EHBP1: variants seen among roughly 807,000 people sequenced by gnomAD.
EHBP1 encodes the protein EH domain binding protein 1, also known as EH domain-binding protein 1.
A neutral mutation model predicts 144.0 loss-of-function variants in EHBP1; 55 were observed. The observed-to-expected ratio is 0.38, with a 90% CI of 0.31 to 0.48. The LOEUF (loss-of-function observed/expected upper bound fraction) is 0.48, where lower values mean the gene tolerates loss of function less well. EHBP1 is among the 20% of genes least tolerant of loss of function. The pLI is 0.98. For missense variants in EHBP1, 1,200 were observed against 1,364.2 expected, an observed-to-expected ratio of 0.88 and a Z score of 1.90; for synonymous variants, 469 against 472.7, an observed-to-expected ratio of 0.99 and a Z score of 0.10.
chr2:62,966,708 A>G (rs979447731), intron 14 of EHBP1, among the ~76,000 whole-genome samples: 2 of 152,174 alleles, frequency 1.3e-5, no homozygotes, highest in African/African-American at 4.8e-5. Flanking sequence ...TTCTATTTTA[A>G]TAGGAACTAT....
chr2:62,993,850 C>T lies in EHBP1; in HGVS notation c.2873-21C>T, dbSNP rs199855158. ...CAAGCTTTACAATAATTTTACATGT[C>T]TTTCCTCTTTTTTTTTTAAGAGATG... On this transcript the variant is annotated intron_variant, in intron 17 of 22. Transcript: ENST00000431489. 4.6e-5 allele frequency: 69 copies of T among 1,507,062 alleles called. No homozygotes were observed. In the African/African-American group the frequency reaches 9.1e-4, roughly 20 times the overall value. 93.4% of individuals were successfully genotyped at this position (1,507,062 alleles called of 1,614,324 possible).
At chr2:62,937,783 A>G (rs2056477505) in intron 10 of EHBP1, among the ~76,000 whole-genome samples, 1 of 152,182 alleles carries the variant, frequency 6.6e-6, no homozygotes, top group African/African-American at 2.4e-5. Context: ...AAGGATGGTG[A>G]GTAATACTAG....
At chr2:62,965,567 C>T (rs1268195258) in intron 14 of EHBP1, among the ~76,000 whole-genome samples, 1 of 152,182 alleles carries the variant, frequency 6.6e-6, no homozygotes, top group Non-Finnish European at 1.5e-5. Context: ...GAGTCACTTG[C>T]ATGTTGCCTT....
intron 5 of EHBP1, among the ~76,000 whole-genome samples, chr2:62,783,283 T>C (rs544152050): frequency 1.3e-5 from 2 of 152,270 alleles, no homozygotes; most frequent in African/African-American, 2.4e-5. Flanking sequence ...CTTTTCCAGG[T>C]GCACAGTGCA....
intron 10 of EHBP1, among the ~76,000 whole-genome samples, chr2:62,885,032 C>T (rs150831766): frequency 8.6e-4 from 131 of 152,204 alleles, no homozygotes; most frequent in Middle Eastern, 6.8e-3. Flanking sequence ...GGATAAAAAA[C>T]GGCTCAAATT....
chr2:62,841,229 C>CT (rs1347142458), intron 7 of EHBP1, among the ~76,000 whole-genome samples: 1 of 151,616 alleles, frequency 6.6e-6, no homozygotes, highest in Non-Finnish European at 1.5e-5. Context: ...TCTCAGTAAA[C>CT]TATCGCAAGA....
chr2:62,890,421 A>G (rs1051833674), intron 10 of EHBP1, among the ~76,000 whole-genome samples: 1 of 151,938 alleles, frequency 6.6e-6, no homozygotes, highest in Non-Finnish European at 1.5e-5. Flanking sequence ...TCTTTGAGCA[A>G]TGTTTTGTAT....
At chr2:63,015,327 A>G (rs1364169804) in intron 19 of EHBP1, among the ~76,000 whole-genome samples, 1 of 152,218 alleles carries the variant, frequency 6.6e-6, no homozygotes, top group Non-Finnish European at 1.5e-5. Context: ...TAATGTCAGG[A>G]AAAAGTAGAG....
intron 5 of EHBP1, among the ~76,000 whole-genome samples, chr2:62,781,577 C>T (rs1293532783): frequency 1.3e-5 from 2 of 152,092 alleles, no homozygotes; most frequent in African/African-American, 4.8e-5. Flanking sequence ...AGATTAAGTA[C>T]TTTTGATAGT....
chr2:62,750,141 A>T (rs1397777290), intron 3 of EHBP1, among the ~76,000 whole-genome samples: 1 of 152,164 alleles, frequency 6.6e-6, no homozygotes, highest in South Asian at 2.1e-4. Context: ...TCTTTAATCC[A>T]TCTTGAATTA....
intron 10 of EHBP1, among the ~76,000 whole-genome samples, chr2:62,925,584 A>G (rs1055416204): frequency 6.6e-6 from 1 of 152,204 alleles, no homozygotes; most frequent in African/African-American, 2.4e-5. Context: ...AAGTTGCAGG[A>G]TACAAAATTT....
intron 15 of EHBP1, among the ~76,000 whole-genome samples, chr2:62,980,297 G>A (rs564168624): frequency 1.3e-5 from 2 of 152,150 alleles, no homozygotes; most frequent in Non-Finnish European, 2.9e-5. Context: ...CACATGTGCA[G>A]TTCACAATAG....
At chr2:62,755,612 T>C (rs1205437548) in intron 3 of EHBP1, among the ~76,000 whole-genome samples, 1 of 152,204 alleles carries the variant, frequency 6.6e-6, no homozygotes, top group Non-Finnish European at 1.5e-5. Flanking sequence ...TTCAGTGGCC[T>C]CACATCCTGA....
chr2:62,708,623 G>C (rs1203224828), intron 2 of EHBP1, among the ~76,000 whole-genome samples: 1 of 152,136 alleles, frequency 6.6e-6, no homozygotes, highest in Non-Finnish European at 1.5e-5. Context: ...ACAGTGTCAG[G>C]GACATAGTGC....
rs143604393 is a variant in EHBP1 at position 62,909,322 on chromosome 2, A to C, written c.1186-33396A>C. Among the ~76,000 whole-genome samples the C allele has an allele frequency of 3.6e-3, 549 of 152,190 alleles. 4 individuals are homozygous for C. The highest frequency in any genetic ancestry group is 0.013 in the African/African-American group (520 of 41,528). ...CTCAGCCTCCCGAGTAGCTGGGACT[A>C]CAGTTGCATGCCACCACGCCTGGTT... is the stretch of plus-strand genomic sequence containing the variant. On this transcript the variant is annotated intron_variant, in intron 10 of 22. Transcript: ENST00000431489.
chr2:62,799,840 A>G (rs963572983), intron 5 of EHBP1, among the ~76,000 whole-genome samples: 1 of 152,202 alleles, frequency 6.6e-6, no homozygotes, highest in African/African-American at 2.4e-5. Context: ...TGTTTTATCT[A>G]TATCCTTCAG....
chr2:62,978,662 GT>G (rs2058824355), intron 14 of EHBP1, among the ~76,000 whole-genome samples: 2 of 152,116 alleles, frequency 1.3e-5, no homozygotes. Flanking sequence ...CTTGTTGATA[GT>G]TTTTAAATCA....
intron 3 of EHBP1, among the ~76,000 whole-genome samples, chr2:62,757,913 G>A (rs2040441697): frequency 6.6e-6 from 1 of 151,962 alleles, no homozygotes; most frequent in Admixed American, 6.6e-5. Flanking sequence ...TCGGGAGGTT[G>A]AGGCAGGAGA....
chr2:62,901,326 A>G (rs773622791), intron 10 of EHBP1, among the ~76,000 whole-genome samples: 1 of 152,212 alleles, frequency 6.6e-6, no homozygotes, highest in Non-Finnish European at 1.5e-5. Context: ...GAATAGCAAC[A>G]AATTATAGAT....
Sources: allele counts gnomAD v4.1 joint callset (sites outside exome capture counted in the v4.1 genomes callset), GRCh38; gene constraint gnomAD v4.1.1; transcripts MANE v1.5; gene names NCBI Gene and HGNC (gene_info 2026-07-23, HGNC 2026-07-21).